RFX7: variants seen among roughly 807,000 people sequenced by gnomAD.
The protein encoded by RFX7 is regulatory factor X7.
Under a neutral mutation model 111.8 loss-of-function variants are expected in RFX7, and 26 were observed. The ratio of observed to expected loss-of-function variants is 0.23; its 90% CI spans 0.17 to 0.32. The LOEUF (loss-of-function observed/expected upper bound fraction) is 0.32, where lower values mean the gene tolerates loss of function less well. Among genes scored for constraint, RFX7 ranks in the 10% least tolerant of loss-of-function variants. The probability of loss-of-function intolerance (pLI) is 1.00; values close to 1 mark genes in which losing one functional copy is unlikely to be tolerated. For missense variants in RFX7, 1,573 were observed against 1,772.9 expected, an observed-to-expected ratio of 0.89 and a Z score of 2.02; for synonymous variants, 624 against 624.4, an observed-to-expected ratio of 1.00 and a Z score of 0.01.
At chr15:56,163,377 T>A (rs1369587608) in intron 3 of RFX7, among the ~76,000 whole-genome samples, 3 of 152,144 alleles carry the variant, frequency 2.0e-5, no homozygotes, top group African/African-American at 7.2e-5. Flanking sequence ...AGGAACACTT[T>A]AGCAGTAAGT....
chr15:56,230,229 T>G (rs1234402853), intron 2 of RFX7, among the ~76,000 whole-genome samples: 5 of 152,246 alleles, frequency 3.3e-5, no homozygotes, highest in African/African-American at 1.2e-4. Flanking sequence ...ACTACTGTTG[T>G]ATACTCAGTC....
At chr15:56,157,603 C>T (rs867283036) in intron 3 of RFX7, among the ~76,000 whole-genome samples, 3 of 152,174 alleles carry the variant, frequency 2.0e-5, no homozygotes, top group East Asian at 1.9e-4. Flanking sequence ...ATTTTTGAGA[C>T]GGAGTCTTGC....
chr15:56,240,567 T>C (rs1214974002), intron 2 of RFX7, among the ~76,000 whole-genome samples: 1 of 152,130 alleles, frequency 6.6e-6, no homozygotes, highest in Non-Finnish European at 1.5e-5. Context: ...CATACTATAT[T>C]TATATTTGTA....
intron 5 of RFX7, among the ~76,000 whole-genome samples, chr15:56,123,278 G>C (rs1198996915): frequency 3.3e-5 from 5 of 152,128 alleles, no homozygotes; most frequent in Admixed American, 1.3e-4. Context: ...TAGTCAGCAA[G>C]TGATGAATCC....
At position 56,143,350 on chromosome 15, in the gene RFX7, T is replaced by C. The variant is rs529798857; in HGVS notation, c.279-450A>G. ...ATGTATACACATACATATACATATA[T>C]ACATACACACACACACACACACACA... On this transcript the variant is annotated intron_variant, in intron 4 of 9. Transcript: ENST00000559447. Among the ~76,000 whole-genome samples the C allele has an allele frequency of 6.9e-5, 6 of 87,138 alleles. No homozygotes were observed. The South Asian group carries it at 1.3e-3, about 19-fold the overall frequency. The allele number at this position is 87,138 out of a possible 152,430, so 57.2% of individuals were successfully genotyped here. A position where few individuals can be genotyped will look rare whatever the true frequency, so the allele number is the denominator to read the frequency against.
chr15:56,215,500 A>G (rs2043354820), intron 2 of RFX7, among the ~76,000 whole-genome samples: 1 of 152,246 alleles, frequency 6.6e-6, no homozygotes, highest in African/African-American at 2.4e-5. Context: ...TTATATGAAC[A>G]GATTTTCTAA....
chr15:56,203,620 T>G (rs1427934607), intron 2 of RFX7, among the ~76,000 whole-genome samples: 1 of 152,094 alleles, frequency 6.6e-6, no homozygotes, highest in Non-Finnish European at 1.5e-5. Flanking sequence ...AAGACCTTGC[T>G]GATAAAACAG....
At chr15:56,194,934 CA>C (rs1278856881) in intron 2 of RFX7, among the ~76,000 whole-genome samples, 1 of 152,020 alleles carries the variant, frequency 6.6e-6, no homozygotes, top group East Asian at 1.9e-4. Context: ...GGAATGCAAA[CA>C]AAAACCTCTA....
chr15:56,201,072 A>ATGCTT, intron 2 of RFX7, among the ~76,000 whole-genome samples: 1 of 152,198 alleles, frequency 6.6e-6, no homozygotes, highest in Non-Finnish European at 1.5e-5. Context: ...ATATCCAGGT[A>ATGCTT]ATGGTGCTTA....
Position 56,094,867 on chromosome 15 carries a change from G to C in RFX7, c.2861C>G (p.Pro954Arg). 6.5e-7 allele frequency: 1 copy of C among 1,532,112 alleles called. No homozygotes were observed. The highest frequency in any genetic ancestry group is 8.8e-7 in the Non-Finnish European group (1 of 1,135,354). 94.9% of individuals were successfully genotyped at this position (1,532,112 alleles called of 1,614,324 possible). The change falls in exon 10 of 10, where the codon CCC becomes CGC. Residue 954 changes from proline to arginine, a missense_variant. Physicochemically the swap from Pro to Arg is moderately radical, Grantham distance 103 (BLOSUM62 -2). Around this residue, in one of 7 missense-constraint regions of RFX7, gnomAD observed 625 missense variants for 632.2 expected, o/e 0.99. Coordinates refer to ENST00000559447, the MANE Select transcript of RFX7 (RefSeq NM_022841.7). ...PIHTPTPTPT[P>R]TPTPTPTPTP... ...TGGGGTTGGGGTTGGAGTAGGAGTG[G>C]GTGTGGGTGTGGGTGTGGGTGTGTG...
intron 2 of RFX7, among the ~76,000 whole-genome samples, chr15:56,203,495 T>A (rs572138038): frequency 1.3e-5 from 2 of 152,304 alleles, no homozygotes; most frequent in African/African-American, 4.8e-5. Context: ...AGCAACTCCA[T>A]CTTAAATAGG....
intron 2 of RFX7, among the ~76,000 whole-genome samples, chr15:56,195,087 T>C (rs1430049951): frequency 6.6e-6 from 1 of 152,120 alleles, no homozygotes; most frequent in Non-Finnish European, 1.5e-5. Context: ...TAAAAAGGAA[T>C]GCAGTATCAA....
chr15:56,106,304 C>T (rs766446955), intron 5 of RFX7, among the ~76,000 whole-genome samples: 2 of 152,086 alleles, frequency 1.3e-5, no homozygotes, highest in African/African-American at 2.4e-5. Context: ...ACCTCATTGT[C>T]GAATACTCTG....
chr15:56,210,864 T>G (rs565285340), intron 2 of RFX7, among the ~76,000 whole-genome samples: 138 of 152,060 alleles, frequency 9.1e-4, no homozygotes, highest in African/African-American at 3.3e-3. Context: ...ATCAATAACC[T>G]AAGCTTCCAT....
chr15:56,174,025 C>A (rs1161566522), intron 3 of RFX7, among the ~76,000 whole-genome samples: 1 of 152,108 alleles, frequency 6.6e-6, no homozygotes, highest in Non-Finnish European at 1.5e-5. Flanking sequence ...CACCTGTAAT[C>A]CCAGCACTTT....
chr15:56,126,948 A>G (rs2042152811), intron 5 of RFX7, among the ~76,000 whole-genome samples: 1 of 152,228 alleles, frequency 6.6e-6, no homozygotes, highest in South Asian at 2.1e-4. Flanking sequence ...ATGAATAGAA[A>G]TAAGCAGATG....
At chr15:56,243,042 T>TG in intron 2 of RFX7, 83 bp downstream of exon 2, 10 of 543,098 alleles carry the variant, frequency 1.8e-5, no homozygotes, top group Non-Finnish European at 3.3e-5. Flanking sequence ...CCTCCTCCGC[T>TG]CCCCCCGCCC....
chr15:56,147,044 G>A (rs2042485438), intron 3 of RFX7, among the ~76,000 whole-genome samples: 1 of 152,090 alleles, frequency 6.6e-6, no homozygotes, highest in African/African-American at 2.4e-5. Context: ...AGTATCATGT[G>A]GCAAGTATGT....
intron 2 of RFX7, among the ~76,000 whole-genome samples, chr15:56,227,620 C>T (rs79937539): frequency 0.13 from 19,808 of 152,086 alleles, 1,695 homozygotes; most frequent in East Asian, 0.44. Flanking sequence ...TCACGATTAG[C>T]GCAAGTACCT....
Sources: allele counts gnomAD v4.1 joint callset (sites outside exome capture counted in the v4.1 genomes callset), GRCh38; gene constraint gnomAD v4.1.1; regional missense constraint gnomAD v4.1.1; transcripts MANE v1.5; gene names NCBI Gene and HGNC (gene_info 2026-07-23, HGNC 2026-07-21).